Variants in PCED1B observed in about 807,000 individuals in gnomAD.
PCED1B encodes PC-esterase domain-containing protein 1B.
For synonymous variants in PCED1B, 251 were observed against 246.1 expected (o/e 1.02, Z -0.19); for missense variants, 573 against 573.9 (o/e 1.00, Z 0.02).
chr12:47,127,164 A>G (rs914925683), intron 2 of PCED1B, among the ~76,000 whole-genome samples: 4 of 152,130 alleles, frequency 2.6e-5, no homozygotes, highest in Non-Finnish European at 4.4e-5. Flanking sequence ...TCCTTTATGA[A>G]CTGCATCAGC....
At chr12:47,217,464 AAGAAAGAGAAAG>A (rs61591107) in intron 3 of PCED1B, among the ~76,000 whole-genome samples, 2 of 87,190 alleles carry the variant, frequency 2.3e-5, no homozygotes, top group African/African-American at 1.2e-4. Context: ...AAGAAAAAGA[AAGAAAGAGAAAG>A]AAAGAAAGAA....
chr12:47,119,891 C>CATT (rs1264275569), intron 2 of PCED1B, among the ~76,000 whole-genome samples: 52 of 151,864 alleles, frequency 3.4e-4, no homozygotes, highest in African/African-American at 1.3e-3. Context: ...TGTTTGAACC[C>CATT]AGGGGGCGGA....
chr12:47,235,665 C>A lies in PCED1B; in HGVS notation c.602C>A (p.Ala201Asp). 1 of 1,613,038 alleles carries A rather than the reference C, an allele frequency of 6.2e-7. No individual in the cohort carries two copies. The highest frequency in any genetic ancestry group is 1.1e-5 in the South Asian group (1 of 91,054). Reference protein sequence around the residue: ...NEVVKANFHSATEARKHNFDV... With the variant: ...NEVVKANFHSDTEARKHNFDV... ...GTGGTCAAAGCCAACTTCCACAGCGCCACCGAGGCACGTAAACATAACTTC... is the reference window on the plus strand; with the variant it reads ...GTGGTCAAAGCCAACTTCCACAGCGACACCGAGGCACGTAAACATAACTTC... The change falls in exon 4 of 4, where the codon GCC becomes GAC. Residue 201 changes from alanine to aspartate, a missense_variant. Physicochemically the swap from Ala to Asp is moderately radical, Grantham distance 126. Transcript: ENST00000546455.
At chr12:47,198,354 G>A (rs1023342788) in intron 2 of PCED1B, among the ~76,000 whole-genome samples, 10 of 152,156 alleles carry the variant, frequency 6.6e-5, no homozygotes, top group South Asian at 2.1e-4. Flanking sequence ...CTCATTCATA[G>A]TTTAGAGAAA....
intron 2 of PCED1B, among the ~76,000 whole-genome samples, chr12:47,114,367 C>T (rs996692547): frequency 4.6e-5 from 7 of 152,174 alleles, no homozygotes; most frequent in African/African-American, 9.7e-5. Flanking sequence ...CAACTTATGA[C>T]TTAAAAGCAG....
At chr12:47,202,431 G>A (rs2137715563) in intron 2 of PCED1B, among the ~76,000 whole-genome samples, 1 of 152,028 alleles carries the variant, frequency 6.6e-6, no homozygotes, top group East Asian at 1.9e-4. Flanking sequence ...TGTTCCTAAG[G>A]CGAAGATAGT....
At chr12:47,105,347 G>A (rs1027329759) in intron 2 of PCED1B, among the ~76,000 whole-genome samples, 2 of 152,144 alleles carry the variant, frequency 1.3e-5, no homozygotes, top group Non-Finnish European at 2.9e-5. Flanking sequence ...GAGTGCAGGT[G>A]GCTAAAGCTG....
chr12:47,096,182 T>C (rs1938478892), intron 1 of PCED1B, among the ~76,000 whole-genome samples: 1 of 152,206 alleles, frequency 6.6e-6, no homozygotes, highest in South Asian at 2.1e-4. Context: ...CCCATTTCTG[T>C]ACAGTATCAT....
chr12:47,176,413 C>A (rs1941925007), intron 2 of PCED1B, among the ~76,000 whole-genome samples: 1 of 152,108 alleles, frequency 6.6e-6, no homozygotes, highest in Admixed American at 6.6e-5. Context: ...ACCAGAAAAA[C>A]CAAGCCATGA....
chr12:47,111,094 A>G (rs114545376), intron 2 of PCED1B, among the ~76,000 whole-genome samples: 78 of 152,318 alleles, frequency 5.1e-4, no homozygotes, highest in African/African-American at 1.7e-3. Context: ...TGAAGAGTCT[A>G]TTTAACATTT....
intron 2 of PCED1B, among the ~76,000 whole-genome samples, chr12:47,187,242 G>C (rs1942299847): frequency 6.6e-6 from 1 of 152,206 alleles, no homozygotes. Context: ...AGTTAGAAAT[G>C]CTGACACTAT....
chr12:47,223,539 A>G (rs1943548136), intron 3 of PCED1B: 2 of 152,212 alleles, frequency 1.3e-5, no homozygotes, highest in African/African-American at 4.8e-5. Flanking sequence ...AAGAAACTAG[A>G]ATGTGTTTAA....
intron 2 of PCED1B, among the ~76,000 whole-genome samples, chr12:47,188,949 C>T (rs1942359840): frequency 6.6e-6 from 1 of 152,120 alleles, no homozygotes; most frequent in Non-Finnish European, 1.5e-5. Context: ...GCCCCATTTT[C>T]ATTTCTGCTT....
chr12:47,171,222 C>T (rs1941723324), intron 2 of PCED1B, among the ~76,000 whole-genome samples: 1 of 152,032 alleles, frequency 6.6e-6, no homozygotes, highest in Non-Finnish European at 1.5e-5. Flanking sequence ...TATGCACCAC[C>T]ACGCCCGGCT....
intron 2 of PCED1B, among the ~76,000 whole-genome samples, chr12:47,214,587 C>G: frequency 6.6e-6 from 1 of 151,800 alleles, no homozygotes; most frequent in East Asian, 1.9e-4. Context: ...GTGGGAGGAT[C>G]ACTTGAGCCC....
At chr12:47,199,012 G>A (rs1455233811) in intron 2 of PCED1B, among the ~76,000 whole-genome samples, 1 of 151,226 alleles carries the variant, frequency 6.6e-6, no homozygotes. Flanking sequence ...AAATCCCAAA[G>A]AATCAACAAC....
At chr12:47,152,783 AC>A (rs1301104582) in intron 2 of PCED1B, among the ~76,000 whole-genome samples, 8 of 151,962 alleles carry the variant, frequency 5.3e-5, no homozygotes, top group South Asian at 2.1e-4. Context: ...ATACAAAAAA[AC>A]ATTAGCCGGG....
intron 2 of PCED1B, among the ~76,000 whole-genome samples, chr12:47,172,790 G>A (rs6582696): frequency 0.29 from 44,773 of 152,012 alleles, 7,063 homozygotes; most frequent in Admixed American, 0.4. Context: ...TAGTGGTATT[G>A]TGTTGGGAAG....
intron 2 of PCED1B, among the ~76,000 whole-genome samples, chr12:47,137,940 G>C (rs1940450231): frequency 6.6e-6 from 1 of 152,092 alleles, no homozygotes; most frequent in Non-Finnish European, 1.5e-5. Context: ...TCATTGAAAA[G>C]GACATTATTA....
Sources: gnomAD v4.1 joint callset for allele counts (sites outside exome capture counted in the v4.1 genomes callset) on GRCh38, gnomAD v4.1.1 for gene constraint, MANE v1.5 for transcripts, NCBI Gene and HGNC (gene_info 2026-07-23, HGNC 2026-07-21) for gene names.